NEDD9: variants seen among roughly 807,000 people sequenced by gnomAD.
NEDD9 encodes the protein neural precursor cell expressed, developmentally down-regulated 9.
A neutral mutation model predicts 76.6 loss-of-function variants in NEDD9; 26 were observed. The observed-to-expected ratio is 0.34, with a 90% CI of 0.25 to 0.47. NEDD9 has a LOEUF of 0.47. Ranked by LOEUF, NEDD9 falls within the 20% of genes least tolerant of loss-of-function variation. The probability of loss-of-function intolerance (pLI) is 1.00; values close to 1 mark genes in which losing one functional copy is unlikely to be tolerated. For missense variants in NEDD9, 937 were observed against 1,058.5 expected (o/e 0.89, Z 1.59); for synonymous variants, 392 against 414.2 (o/e 0.95, Z 0.65).
chr6:11,295,455 G>A (rs1760869191), intron 3 of NEDD9, among the ~76,000 whole-genome samples: 1 of 152,054 alleles, frequency 6.6e-6, no homozygotes, highest in Non-Finnish European at 1.5e-5. Flanking sequence ...TGGACACTGG[G>A]GTCCATGACC....
intron 2 of NEDD9, among the ~76,000 whole-genome samples, chr6:11,316,643 C>G (rs1365906711): frequency 5.3e-5 from 8 of 152,174 alleles, no homozygotes; most frequent in Non-Finnish European, 1.5e-5. Context: ...AAAATAGTCA[C>G]TAATTCATTG....
At chr6:11,286,443 A>G (rs1561816739) in intron 3 of NEDD9, among the ~76,000 whole-genome samples, 1 of 152,256 alleles carries the variant, frequency 6.6e-6, no homozygotes, top group South Asian at 2.1e-4. Flanking sequence ...TACACTGATC[A>G]TATAATCTAG....
At chr6:11,185,811 A>G (rs12193702) in intron 6 of NEDD9, 140 bp from the exon 7 acceptor site, 154,157 of 985,264 alleles carry the variant, frequency 0.16, 13,920 homozygotes, top group Non-Finnish European at 0.19. Flanking sequence ...GCCTGGGTCA[A>G]GCTGCCTTGC....
At chr6:11,243,812 C>A (rs1759755687) in intron 3 of NEDD9, among the ~76,000 whole-genome samples, 1 of 152,156 alleles carries the variant, frequency 6.6e-6, no homozygotes. Flanking sequence ...CATCTCCCAA[C>A]CTGTGTTCTG....
chr6:11,342,923 A>G (rs1213325389), intron 1 of NEDD9, among the ~76,000 whole-genome samples: 2 of 152,222 alleles, frequency 1.3e-5, no homozygotes, highest in Non-Finnish European at 1.5e-5. Flanking sequence ...ATAATGATGT[A>G]AATAGTATCT....
intron 1 of NEDD9, among the ~76,000 whole-genome samples, chr6:11,337,457 C>T (rs995240538): frequency 9.2e-5 from 14 of 152,160 alleles, no homozygotes; most frequent in Non-Finnish European, 1.8e-4. Flanking sequence ...ACACCAGCAT[C>T]ACCACAAACA....
chr6:11,334,971 C>A (rs1762123430), intron 1 of NEDD9, among the ~76,000 whole-genome samples: 1 of 152,114 alleles, frequency 6.6e-6, no homozygotes, highest in Non-Finnish European at 1.5e-5. Flanking sequence ...TGACAATGAC[C>A]AATTGAGAGC....
chr6:11,205,738 T>C (rs540066803), intron 2 of NEDD9, among the ~76,000 whole-genome samples: 44 of 152,250 alleles, frequency 2.9e-4, no homozygotes, highest in African/African-American at 1.0e-3. Flanking sequence ...GCGATTCTCC[T>C]GTCTCAGCCT....
chr6:11,372,631 C>T (rs937025907), intron 1 of NEDD9, among the ~76,000 whole-genome samples: 1 of 152,130 alleles, frequency 6.6e-6, no homozygotes, highest in Non-Finnish European at 1.5e-5. Context: ...ATGAGGGTTC[C>T]CTTTTCTTCA....
chr6:11,234,520 T>C (rs907407805), upstream of NEDD9, among the ~76,000 whole-genome samples: 3 of 152,194 alleles, frequency 2.0e-5, no homozygotes, highest in African/African-American at 7.2e-5. Flanking sequence ...CTGGGGTTTT[T>C]TTGTAATTTC....
At chr6:11,283,387 C>T (rs1041969071) in intron 3 of NEDD9, among the ~76,000 whole-genome samples, 1 of 152,136 alleles carries the variant, frequency 6.6e-6, no homozygotes, top group Non-Finnish European at 1.5e-5. Context: ...AATACCTGAC[C>T]ATGGTGAGAG....
chr6:11,209,668 T>C (rs1298129532), intron 2 of NEDD9, among the ~76,000 whole-genome samples: 2 of 152,206 alleles, frequency 1.3e-5, no homozygotes, highest in African/African-American at 4.8e-5. Flanking sequence ...GTTAGTATCA[T>C]TCCCATTAAA....
chr6:11,315,948 G>GTT (rs1761542193), intron 2 of NEDD9, among the ~76,000 whole-genome samples: 1 of 152,166 alleles, frequency 6.6e-6, no homozygotes, highest in Non-Finnish European at 1.5e-5. Context: ...ATAATTGAGG[G>GTT]TAAAAGGCAG....
Position 11,213,878 on chromosome 6 carries a change from G to A in NEDD9, c.13-151C>T, listed in dbSNP as rs1022146119. The A allele has an allele frequency of 4.3e-6, 3 of 702,822 alleles. No individual in the cohort carries two copies. Among genetic ancestry groups the A allele is most frequent in the Non-Finnish European group, 7.0e-6 (3 of 428,330 alleles). The allele number at this position is 702,822 out of a possible 1,614,324, so 43.5% of individuals were successfully genotyped here. ...GACTGTAAGGAGAAAAACAGATGGT[G>A]CAGACAAAAGACAGATACATATACA... On this transcript the variant is annotated intron_variant, in intron 1 of 6. Coordinates refer to ENST00000379446, the MANE Select transcript of NEDD9 (RefSeq NM_006403.4). The surrounding 1 kb of genome is among the most constrained non-coding windows in gnomAD (Gnocchi z 5.4).
At chr6:11,219,670 C>G (rs1289971011) in intron 1 of NEDD9, among the ~76,000 whole-genome samples, 2 of 152,228 alleles carry the variant, frequency 1.3e-5, no homozygotes, top group African/African-American at 2.4e-5. Context: ...CAAGGTCAGT[C>G]TCAGGGCACA....
chr6:11,201,017 A>T (rs769180452), intron 2 of NEDD9: 1 of 1,614,164 alleles, frequency 6.2e-7, no homozygotes, highest in Non-Finnish European at 8.5e-7. Flanking sequence ...TCACTAAGAA[A>T]TAGGACACTT....
intron 1 of NEDD9, among the ~76,000 whole-genome samples, chr6:11,351,809 T>C (rs1762478367): frequency 6.6e-6 from 1 of 152,244 alleles, no homozygotes; most frequent in African/African-American, 2.4e-5. Context: ...ACTTATATTC[T>C]ATGCGTTTGT....
At chr6:11,312,250 T>C (rs1761393482) in intron 2 of NEDD9, among the ~76,000 whole-genome samples, 1 of 152,110 alleles carries the variant, frequency 6.6e-6, no homozygotes, top group Admixed American at 6.6e-5. Context: ...ATTTTCAGCT[T>C]TGGTCTCCTC....
intron 2 of NEDD9, among the ~76,000 whole-genome samples, chr6:11,211,054 C>T (rs1385917946): frequency 6.6e-6 from 1 of 152,228 alleles, no homozygotes; most frequent in Admixed American, 6.5e-5. Flanking sequence ...GGCTGCAACT[C>T]CTGGAAGGGC....
Sources: gnomAD v4.1 joint callset for allele counts (sites outside exome capture counted in the v4.1 genomes callset) on GRCh38, gnomAD v4.1.1 for gene constraint, Gnocchi (gnomAD v3.1) non-coding constraint, MANE v1.5 for transcripts, NCBI Gene and HGNC (gene_info 2026-07-23, HGNC 2026-07-21) for gene names.